TOB1: variants seen among roughly 807,000 people sequenced by gnomAD.
TOB1 encodes the protein transducer of ERBB2, 1.
A neutral mutation model predicts 22.9 loss-of-function variants in TOB1; 2 were observed. The observed-to-expected ratio is 0.09, with a 90% confidence interval of 0.04 to 0.28. The LOEUF (loss-of-function observed/expected upper bound fraction) is 0.28. Among genes scored for constraint, TOB1 ranks in the 10% least tolerant of loss-of-function variants. The probability of loss-of-function intolerance (pLI) is 1.00; values close to 1 mark genes in which losing one functional copy is unlikely to be tolerated. For synonymous variants in TOB1, 154 were observed against 150.6 expected (o/e 1.02, Z -0.17); for missense variants, 299 against 420.5 (o/e 0.71, Z 2.53).
chr17:50,864,835 T>C (rs1224091821), intron 1 of TOB1, among the ~76,000 whole-genome samples: 1 of 152,268 alleles, frequency 6.6e-6, no homozygotes, highest in African/African-American at 2.4e-5. Flanking sequence ...ATCCAGCTTC[T>C]CTGGGCCTTT....
At position 50,862,693 on chromosome 17, in the gene TOB1, ACTT is replaced by A; in HGVS notation, c.*284_*286del. 1 of 287,524 alleles carries A rather than the reference ACTT, an allele frequency of 3.5e-6. No individual in the cohort carries two copies. The highest frequency in any genetic ancestry group is 6.4e-6 in the Non-Finnish European group (1 of 157,326). 17.8% of individuals were successfully genotyped at this position (287,524 alleles called of 1,614,324 possible). A position where few individuals can be genotyped will look rare whatever the true frequency, so the allele number is the denominator to read the frequency against. On this transcript the variant is annotated 3_prime_UTR_variant, in exon 2 of 2. Transcript: ENST00000499247. The stretch of plus-strand genomic sequence containing the variant: ...ACAATTAGAAAAGACCAATAAACCC[ACTT>A]ATTAGTGCCAATTTTTATAAAAAAA...
rs1175708363 is a variant in TOB1 at position 50,863,512 on chromosome 17, G to C, written c.506C>G (p.Pro169Arg). Residue 169 changes from proline (P) to arginine (R), a missense_variant, in exon 2 of 2, where the codon CCC (proline) becomes CGC (arginine). By Grantham distance (103) the Pro-to-Arg change is moderately radical. Coordinates refer to ENST00000499247, the MANE Select transcript of TOB1 (RefSeq NM_005749.4). Reference protein sequence around the residue: ...HSAAVSPTFMPRSTQPLTFTT... With the variant: ...HSAAVSPTFMRRSTQPLTFTT... ...AAAGGTTAAAGGCTGAGTGGACCGG[G>C]GCATGAAGGTAGGGCTTACAGCAGC... The C allele has an allele frequency of 6.2e-7, 1 of 1,614,164 alleles. No individual in the cohort carries two copies. The highest frequency in any genetic ancestry group is 2.2e-5 in the East Asian group (1 of 44,886).
intron 1 of TOB1, among the ~76,000 whole-genome samples, chr17:50,865,787 TC>T (rs1184560184): frequency 6.6e-6 from 1 of 151,758 alleles, no homozygotes; most frequent in East Asian, 1.9e-4. Context: ...TCGTCGCTCC[TC>T]CGGGCACCCC....
At position 50,862,854 on chromosome 17, in the gene TOB1, TA is replaced by T; in HGVS notation, c.*125del. On this transcript the variant is annotated 3_prime_UTR_variant, in exon 2 of 2. Transcript: ENST00000499247. ...TGAAAAATGATGCATGTTTTATTAT[TA>T]TTTTTTTAACCAAGCTTGAATGTAT... 7.7e-7 allele frequency: 1 copy of T among 1,301,700 alleles called. No homozygotes were observed. Among genetic ancestry groups the T allele is most frequent in the Non-Finnish European group, 1.0e-6 (1 of 990,668 alleles). 80.6% of individuals were successfully genotyped at this position (1,301,700 alleles called of 1,614,324 possible).
chr17:50,865,758 C>T (rs1309265568), intron 1 of TOB1, among the ~76,000 whole-genome samples: 1 of 152,082 alleles, frequency 6.6e-6, no homozygotes, highest in Non-Finnish European at 1.5e-5. Context: ...CCCTCGAACC[C>T]CAGCGTTCCA....
rs771366259 is a variant in TOB1, at chr17:50,863,072, G to C, written c.946C>G (p.Leu316Val). ...CCATCTACAAAAGATTTCTCATTGA[G>C]GCCTCCATAGGCTGCAAACACATCA... ...AFDVFAAYGG[L>V]NEKSFVDGLN... The change falls in exon 2 of 2, where the codon CTC becomes GTC. Residue 316 changes from leucine to valine, a missense_variant. By Grantham distance (32) the Leu-to-Val change is conservative (BLOSUM62 1). Coordinates refer to ENST00000499247, the MANE Select transcript of TOB1 (RefSeq NM_005749.4). The C allele has an allele frequency of 4.3e-6, 7 of 1,614,006 alleles. No homozygotes were observed. The African/African-American group carries it at 9.3e-5, about 22-fold the overall frequency.
chr17:50,865,259 A>G (rs1314554904), intron 1 of TOB1, among the ~76,000 whole-genome samples: 1 of 151,858 alleles, frequency 6.6e-6, no homozygotes, highest in Non-Finnish European at 1.5e-5. Context: ...CCCAAACTAC[A>G]AACACTTTCC....
In TOB1 at chr17:50,863,910, A is replaced by C. The variant is rs1162456923; in HGVS notation, c.108T>G (p.Leu36=). Residue 36 remains leucine (L), a synonymous_variant, in exon 2 of 2, where the codon CTT becomes CTG. Transcript: ENST00000499247. ...ACCAGTGCCCTTCATATTTCTTCTTAAGAAGTCTTTCAAGTTCTTCACCAA... is the reference window on the plus strand; with the variant it reads ...ACCAGTGCCCTTCATATTTCTTCTTCAGAAGTCTTTCAAGTTCTTCACCAA... ...NIFGEELERL[L]KKKYEGHWYP... 1 of 1,613,976 alleles carries C rather than the reference A, an allele frequency of 6.2e-7. No homozygotes were observed. Among genetic ancestry groups the C allele is most frequent in the Non-Finnish European group, 8.5e-7 (1 of 1,180,034 alleles).
chr17:50,866,326 A>G lies in TOB1; in HGVS notation c.-415T>C, dbSNP rs938104980. 1 of 152,200 alleles carries G rather than the reference A, an allele frequency of 6.6e-6. No homozygotes were observed. Among genetic ancestry groups the G allele is most frequent in the Non-Finnish European group, 1.5e-5 (1 of 68,102 alleles). The allele number at this position is 152,200 out of a possible 1,614,324, so 9.4% of individuals were successfully genotyped here. The stretch of plus-strand genomic sequence containing the variant: ...CCAGCGTCCCCGTAGTGCGCCCGCT[A>G]CACGCCGGGCCAGAGCTTCGCTCCT... On this transcript the variant is annotated 5_prime_UTR_variant, in exon 1 of 2. Coordinates refer to ENST00000499247, the MANE Select transcript of TOB1 (RefSeq NM_005749.4).
At chr17:50,867,861 A>T (rs911736816), upstream of TOB1, 9 of 152,212 alleles carry the variant, frequency 5.9e-5, no homozygotes, top group South Asian at 2.1e-4. Flanking sequence ...CTCCTCGGGC[A>T]CAAACCCGCC....
chr17:50,864,123 T>C lies in TOB1; in HGVS notation c.-106A>G. On this transcript the variant is annotated 5_prime_UTR_variant, in exon 2 of 2. Transcript: ENST00000499247. ...AGAAACAAATTTTCATTCAAAGTGCTGGTATTAGTAGATTATCCTTCACCT... is the reference window on the plus strand; with the variant it reads ...AGAAACAAATTTTCATTCAAAGTGCCGGTATTAGTAGATTATCCTTCACCT... 5 of 1,387,156 alleles carry C rather than the reference T, an allele frequency of 3.6e-6. No individual in the cohort carries two copies. The highest frequency in any genetic ancestry group is 4.7e-6 in the Non-Finnish European group (5 of 1,069,912). The allele number at this position is 1,387,156 out of a possible 1,614,324, so 85.9% of individuals were successfully genotyped here. A position where few individuals can be genotyped will look rare whatever the true frequency, so the allele number is the denominator to read the frequency against.
rs928360556 is a variant in TOB1 at position 50,862,571 on chromosome 17, T to C, written c.*409A>G. 4 of 155,930 alleles carry C rather than the reference T, an allele frequency of 2.6e-5. No individual in the cohort carries two copies. The highest frequency in any genetic ancestry group is 9.6e-5 in the African/African-American group (4 of 41,576). The allele number at this position is 155,930 out of a possible 1,614,324, so 9.7% of individuals were successfully genotyped here. ...AACATGAAGCTGCTGCTGTCACAGA[T>C]CACTGTAGTAAAAAGATATAAATGC... On this transcript the variant is annotated 3_prime_UTR_variant, in exon 2 of 2. Transcript: ENST00000499247.
rs766473881 is a variant in TOB1, at chr17:50,863,635, A to G, written c.383T>C (p.Ile128Thr). 2 of 1,613,978 alleles carry G rather than the reference A, an allele frequency of 1.2e-6. No individual in the cohort carries two copies. Among genetic ancestry groups the G allele is most frequent in the South Asian group, 1.1e-5 (1 of 91,088 alleles). The change falls in exon 2 of 2, where the codon ATC becomes ACC. Residue 128 changes from isoleucine (I) to threonine (T), a missense_variant. Coordinates refer to ENST00000499247, the MANE Select transcript of TOB1 (RefSeq NM_005749.4). Reference protein sequence around the residue: ...NENGCELDKEIKNSFNPEAQV... With the variant: ...NENGCELDKETKNSFNPEAQV... ...GGCCTCTGGGTTAAAGCTGTTTTTG[A>G]TCTCCTTATCCAACTCACATCCATT... is the stretch of plus-strand genomic sequence containing the variant.
upstream of TOB1, chr17:50,866,671 A>C (rs1335320316): frequency 6.6e-6 from 1 of 152,370 alleles, no homozygotes; most frequent in Non-Finnish European, 1.5e-5. Flanking sequence ...AACGTCTGGA[A>C]AGGGACTGTG....
upstream of TOB1, chr17:50,867,825 G>A (rs1487471181): frequency 6.6e-6 from 1 of 152,274 alleles, no homozygotes; most frequent in Non-Finnish European, 1.5e-5. Flanking sequence ...GGTGTCTACG[G>A]GGCGGGCCCG....
Position 50,863,026 on chromosome 17 carries a change from T to C in TOB1, c.992A>G (p.Asn331Ser). The C allele has an allele frequency of 6.2e-7, 1 of 1,614,096 alleles. No individual in the cohort carries two copies. Among genetic ancestry groups the C allele is most frequent in the Non-Finnish European group, 8.5e-7 (1 of 1,179,978 alleles). ...GAATTGCTGGTTAGAATACTGCATG[T>C]TATTTAAGCTAAAATTCAAGCCATC... ...FVDGLNFSLN[N>S]MQYSNQQFQP... is the part of the protein sequence containing the mutation. The change falls in exon 2 of 2, where the codon AAC becomes AGC. Residue 331 changes from asparagine to serine, a missense_variant. By Grantham distance (46) the Asn-to-Ser change is conservative (BLOSUM62 1). Transcript: ENST00000499247.
chr17:50,865,989 C>T (rs1379714420), intron 1 of TOB1, 69 bp downstream of exon 1: 2 of 152,158 alleles, frequency 1.3e-5, no homozygotes, highest in Non-Finnish European at 2.9e-5. Flanking sequence ...GCTGCAGCCC[C>T]TCCTCCGCCG....
chr17:50,866,713 T>G (rs1972317199), upstream of TOB1: 1 of 149,664 alleles, frequency 6.7e-6, no homozygotes, highest in African/African-American at 2.5e-5. Flanking sequence ...GAGAAAGGGG[T>G]GGGGTAGGGC....
chr17:50,865,443 C>G (rs1972281719), intron 1 of TOB1, among the ~76,000 whole-genome samples: 1 of 152,256 alleles, frequency 6.6e-6, no homozygotes, highest in African/African-American at 2.4e-5. Context: ...TTTCTGCTCA[C>G]AGCCCTCGGA....
Sources: allele counts gnomAD v4.1 joint callset (sites outside exome capture counted in the v4.1 genomes callset), GRCh38; gene constraint gnomAD v4.1.1; transcripts MANE v1.5; gene names NCBI Gene and HGNC (gene_info 2026-07-23, HGNC 2026-07-21).